The following PCDHA2 variants were observed in gnomAD, a reference collection of about 807,000 sequenced individuals.
PCDHA2 encodes the protein protocadherin alpha 2, also known as protocadherin alpha-2.
A neutral mutation model predicts 66.0 loss-of-function variants in PCDHA2; 58 were observed. That is an observed-to-expected ratio of 0.88 (90% CI 0.71 to 1.09). PCDHA2 has a LOEUF of 1.09. Ranked by LOEUF, PCDHA2 falls within the 50% of genes least tolerant of loss-of-function variation. The pLI is 0.00. For synonymous variants in PCDHA2, 634 were observed against 554.0 expected, an observed-to-expected ratio of 1.14 and a Z score of -2.03; for missense variants, 1,267 against 1,242.3, an observed-to-expected ratio of 1.02 and a Z score of -0.30.
chr5:140,995,334 T>C (rs2097677447), intron 3 of PCDHA2, among the ~76,000 whole-genome samples: 1 of 152,184 alleles, frequency 6.6e-6, no homozygotes, highest in Non-Finnish European at 1.5e-5. Context: ...GTGAGTAGTG[T>C]AGACGGCATG....
At chr5:140,974,379 T>G (rs2096625482) in intron 1 of PCDHA2, among the ~76,000 whole-genome samples, 1 of 152,250 alleles carries the variant, frequency 6.6e-6, no homozygotes, top group South Asian at 2.1e-4. Flanking sequence ...TCTGTTGTAC[T>G]GGAACCCATT....
intron 1 of PCDHA2, chr5:140,809,086 A>T: frequency 1.2e-6 from 2 of 1,613,938 alleles, no homozygotes; most frequent in Middle Eastern, 1.6e-4. Context: ...AGATCAGCAC[A>T]ACGCGTGCCC....
At chr5:140,824,207 A>C (rs2150133206) in intron 1 of PCDHA2, 34 of 1,587,454 alleles carry the variant, frequency 2.1e-5, no homozygotes, top group Non-Finnish European at 1.8e-5. Context: ...CTTTTTTTGT[A>C]TTTAAAAATT....
chr5:140,835,617 G>C (rs2150239590), intron 1 of PCDHA2: 5 of 1,613,774 alleles, frequency 3.1e-6, no homozygotes, highest in Non-Finnish European at 2.5e-6. Context: ...GCTGGACAGC[G>C]CTCTGGACCG....
At position 140,796,711 on chromosome 5, in the gene PCDHA2, TG is replaced by T; in HGVS notation, c.1749del (p.Trp583CysfsTer55). The T allele has an allele frequency of 1.9e-6, 3 of 1,613,884 alleles. No homozygotes were observed. Among genetic ancestry groups the T allele is most frequent in the Non-Finnish European group, 2.5e-6 (3 of 1,179,866 alleles). On this transcript the variant is annotated frameshift_variant, in exon 1 of 4. Transcript: ENST00000526136. LOFTEE classifies it high-confidence loss of function. ...TGGCGCAGTGAGTGAGCTGGTGCCG[TG>T]GTCGGTGGGTGCAGGGCACGTGGTG... ...AAGAVSELVP[W>X]SVGAGHVVAK...
chr5:140,862,554 A>G, intron 1 of PCDHA2: 3 of 464,416 alleles, frequency 6.5e-6, no homozygotes, highest in Non-Finnish European at 1.3e-5. Context: ...GTGGCCGAAC[A>G]GTGAACCACA....
At chr5:140,872,432 G>T (rs2053660736) in intron 1 of PCDHA2, among the ~76,000 whole-genome samples, 1 of 152,026 alleles carries the variant, frequency 6.6e-6, no homozygotes, top group Non-Finnish European at 1.5e-5. Context: ...TTCGAGGCCT[G>T]CCTGGACAAC....
rs782745865 is a variant in PCDHA2, at chr5:140,809,475, G to A, written c.2388+12123G>A. The stretch of plus-strand genomic sequence containing the variant: ...AGGCCGAGGGTGTGCTCTGGTGAGG[G>A]CCCACCCAAGACCGACCTCATGGCC... On this transcript the variant is annotated intron_variant, in intron 1 of 3. Transcript: ENST00000526136. 6.8e-6 allele frequency: 11 copies of A among 1,614,216 alleles called. No homozygotes were observed. In the East Asian group the frequency reaches 2.0e-4, roughly 29 times the overall value.
intron 1 of PCDHA2, chr5:140,852,001 C>G (rs2042214693): frequency 1.0e-6 from 1 of 975,480 alleles, no homozygotes; most frequent in East Asian, 1.1e-4. Context: ...TGTTTGTTTT[C>G]TAATTTATAG....
At chr5:140,997,670 G>A (rs1587757819) in intron 3 of PCDHA2, among the ~76,000 whole-genome samples, 1 of 79,680 alleles carries the variant, frequency 1.3e-5, no homozygotes, top group Non-Finnish European at 2.9e-5. Flanking sequence ...TATACAGCTT[G>A]TGTGTGTGTG....
At chr5:140,830,409 G>A (rs1554132809) in intron 1 of PCDHA2, 3 of 1,614,040 alleles carry the variant, frequency 1.9e-6, no homozygotes, top group African/African-American at 2.7e-5. Context: ...ATGGCCTTTA[G>A]CCCCAGCCTT....
chr5:140,985,139 G>A (rs782548607), intron 3 of PCDHA2, among the ~76,000 whole-genome samples: 6 of 152,126 alleles, frequency 3.9e-5, no homozygotes, highest in South Asian at 2.1e-4. Flanking sequence ...GGGTTTCACC[G>A]TGTTAGCCAG....
rs1296767379 is a variant in PCDHA2 at position 140,898,372 on chromosome 5, T to C, written c.2389-80577T>C. ...ATCTTGAATTAATTTTTGTATAAGG[T>C]GTAAGGAAGGGATCCAGTTTCAGCT... On this transcript the variant is annotated intron_variant, in intron 1 of 3. Coordinates refer to ENST00000526136, the MANE Select transcript of PCDHA2 (RefSeq NM_018905.3). Among the ~76,000 whole-genome samples, 5 of 152,320 alleles carry C rather than the reference T, an allele frequency of 3.3e-5. No individual in the cohort carries two copies. In the East Asian group the frequency reaches 9.6e-4, roughly 29 times the overall value.
At chr5:140,830,439 TGG>T (rs1771067037) in intron 1 of PCDHA2, 1 of 1,611,042 alleles carries the variant, frequency 6.2e-7, no homozygotes. Flanking sequence ...CCTATTATGA[TGG>T]GTAAGGCGGA....
Position 140,938,896 on chromosome 5 carries a change from C to T in PCDHA2, c.2389-40053C>T, listed in dbSNP as rs188490743. 3.9e-5 allele frequency among the ~76,000 whole-genome samples: 6 copies of T among 152,036 alleles called. 1 individual carries two copies. The East Asian group carries it at 1.2e-3, about 29-fold the overall frequency. The stretch of plus-strand genomic sequence containing the variant: ...GAAGCAACACACACACACACAGATG[C>T]GCACACACACACACGCACAAGAAAT... On this transcript the variant is annotated intron_variant, in intron 1 of 3. Transcript: ENST00000526136.
At chr5:140,994,004 C>T (rs1366489476) in intron 3 of PCDHA2, among the ~76,000 whole-genome samples, 3 of 152,186 alleles carry the variant, frequency 2.0e-5, no homozygotes, top group Non-Finnish European at 2.9e-5. Context: ...AGGCCAGGCT[C>T]TGTTCTAGGT....
chr5:140,905,152 G>T (rs2071629879), intron 1 of PCDHA2, among the ~76,000 whole-genome samples: 1 of 152,154 alleles, frequency 6.6e-6, no homozygotes. Context: ...TTATATTTTA[G>T]AATTTTCATG....
At chr5:140,849,995 C>CGA in intron 1 of PCDHA2, 1 of 1,597,088 alleles carries the variant, frequency 6.3e-7, no homozygotes, top group Non-Finnish European at 8.6e-7. Context: ...GGCGGTTGGG[C>CGA]GAGCGCTCGC....
At position 141,010,430 on chromosome 5, in the gene PCDHA2, A is replaced by T; in HGVS notation, c.*493A>T. On this transcript the variant is annotated 3_prime_UTR_variant, in exon 4 of 4. Transcript: ENST00000526136. ...CTAATTGGTACAAGGAAGGCAAGAA[A>T]ACAAAGACAAATAAACAGCGGAAGT... 9.4e-7 allele frequency: 1 copy of T among 1,058,474 alleles called. No homozygotes were observed. Among genetic ancestry groups the T allele is most frequent in the Non-Finnish European group, 1.3e-6 (1 of 756,992 alleles). 65.6% of individuals were successfully genotyped at this position (1,058,474 alleles called of 1,614,324 possible). A position where few individuals can be genotyped will look rare whatever the true frequency, so the allele number is the denominator to read the frequency against.
Sources: gnomAD v4.1 joint callset for allele counts (sites outside exome capture counted in the v4.1 genomes callset) on GRCh38, gnomAD v4.1.1 for gene constraint, MANE v1.5 for transcripts, NCBI Gene and HGNC (gene_info 2026-07-23, HGNC 2026-07-21) for gene names.